ZFAT: variants seen among roughly 807,000 people sequenced by gnomAD.
ZFAT encodes the protein zinc finger and AT-hook domain containing.
In ZFAT, 64 loss-of-function variants were observed where a neutral mutation model predicts 117.7. That is an observed-to-expected ratio of 0.54 (90% CI 0.44 to 0.67). The LOEUF is 0.67. Among genes scored for constraint, ZFAT ranks in the 30% least tolerant of loss-of-function variants. The pLI is 0.00. For synonymous variants in ZFAT, 679 were observed against 615.0 expected (o/e 1.10, Z -1.54); for missense variants, 1,433 against 1,584.5 (o/e 0.90, Z 1.62).
At chr8:134,584,082 A>ATG in intron 9 of ZFAT, 77 bp from the exon 10 acceptor site, 2 of 1,385,362 alleles carry the variant, frequency 1.4e-6, no homozygotes, top group Non-Finnish European at 2.0e-6. Flanking sequence ...AGGAATATAT[A>ATG]TATCCATATC....
the ZFAT span, chr8:134,765,627 A>G: frequency 2.6e-5 from 4 of 152,170 alleles, no homozygotes; most frequent in African/African-American, 9.7e-5. Flanking sequence ...CTTTACTTTG[A>G]TGAAAATTGG....
rs546912427 is a variant in ZFAT, at chr8:134,687,673, G to A, written c.19+25172C>T. Among the ~76,000 whole-genome samples, 5 of 152,148 alleles carry A rather than the reference G, an allele frequency of 3.3e-5. No homozygotes were observed. The South Asian group carries it at 8.3e-4, about 25-fold the overall frequency. ...GACAGCTCCCCATTTGCAAACTGAC[G>A]AGGTGGCCCTGAAGAGCCGCCTACC... is the stretch of plus-strand genomic sequence containing the variant. On this transcript the variant is annotated intron_variant, in intron 1 of 15. Coordinates refer to ENST00000377838, the MANE Select transcript of ZFAT (RefSeq NM_020863.4).
chr8:134,672,417 G>A (rs943433350), intron 1 of ZFAT, among the ~76,000 whole-genome samples: 2 of 152,170 alleles, frequency 1.3e-5, no homozygotes, highest in African/African-American at 4.8e-5. Context: ...TAGGGTGGGG[G>A]CAGGGTGGAA....
chr8:134,531,533 G>C (rs949489144), intron 12 of ZFAT, among the ~76,000 whole-genome samples: 1 of 152,210 alleles, frequency 6.6e-6, no homozygotes, highest in East Asian at 1.9e-4. Flanking sequence ...CCACCATCGT[G>C]GAAGATGGCT....
At chr8:134,597,973 T>C (rs1016542188) in intron 7 of ZFAT, 3 of 152,326 alleles carry the variant, frequency 2.0e-5, no homozygotes, top group Admixed American at 2.0e-4. Flanking sequence ...AAAGCACAAC[T>C]GCCACTTAAC....
At chr8:134,673,977 C>T (rs973197488) in intron 1 of ZFAT, among the ~76,000 whole-genome samples, 5 of 152,166 alleles carry the variant, frequency 3.3e-5, no homozygotes, top group Admixed American at 2.0e-4. Context: ...AGGTAGCTGG[C>T]AAGATGGCCG....
At chr8:134,694,194 CA>C (rs1166450154) in intron 1 of ZFAT, among the ~76,000 whole-genome samples, 1 of 152,140 alleles carries the variant, frequency 6.6e-6, no homozygotes, top group Non-Finnish European at 1.5e-5. Context: ...TGGAATGAGG[CA>C]CGTGGCTGAG....
the ZFAT span, among the ~76,000 whole-genome samples, chr8:134,799,343 T>C: frequency 6.6e-6 from 1 of 152,194 alleles, no homozygotes; most frequent in African/African-American, 2.4e-5. Flanking sequence ...TACATAATTT[T>C]CGTTTTATAC....
At chr8:134,716,143 T>TTTTATA (rs1554626940), upstream of ZFAT, among the ~76,000 whole-genome samples, 73 of 142,158 alleles carry the variant, frequency 5.1e-4, no homozygotes, top group Non-Finnish European at 1.0e-3. Flanking sequence ...TAAAATTTAT[T>TTTTATA]TATATATATA....
At chr8:134,649,183 ACACACACACACACACACACC>A (rs1419849755) in intron 2 of ZFAT, among the ~76,000 whole-genome samples, 1 of 151,198 alleles carries the variant, frequency 6.6e-6, no homozygotes, top group East Asian at 1.9e-4. Flanking sequence ...ACACACACAC[ACACACACACACACACACACC>A]CCATCATACT....
At chr8:134,663,908 T>C (rs1231775662) in intron 1 of ZFAT, among the ~76,000 whole-genome samples, 1 of 152,200 alleles carries the variant, frequency 6.6e-6, no homozygotes, top group Non-Finnish European at 1.5e-5. Flanking sequence ...TTCAAGTCCA[T>C]GTCCCCAGCC....
At chr8:134,523,173 C>G (rs1820785059) in intron 12 of ZFAT, among the ~76,000 whole-genome samples, 1 of 152,186 alleles carries the variant, frequency 6.6e-6, no homozygotes, top group Non-Finnish European at 1.5e-5. Flanking sequence ...AGTACCACTC[C>G]ACTGAACACT....
intron 15 of ZFAT, among the ~76,000 whole-genome samples, chr8:134,499,747 C>G (rs768333800): frequency 2.0e-5 from 3 of 152,332 alleles, no homozygotes; most frequent in East Asian, 1.9e-4. Context: ...CGGGGGACTA[C>G]GTTTTGAGTA....
At chr8:134,548,263 T>C (rs1822851091) in intron 11 of ZFAT, among the ~76,000 whole-genome samples, 1 of 152,202 alleles carries the variant, frequency 6.6e-6, no homozygotes, top group Non-Finnish European at 1.5e-5. Flanking sequence ...CAAGTAAATA[T>C]ATAACCCATT....
intron 15 of ZFAT, among the ~76,000 whole-genome samples, chr8:134,485,737 AC>A (rs1817615187): frequency 7.0e-6 from 1 of 143,860 alleles, no homozygotes; most frequent in Non-Finnish European, 1.5e-5. Context: ...ACATTCAAGG[AC>A]ATCAAAATAT....
chr8:134,550,364 C>T (rs74447603), intron 11 of ZFAT, among the ~76,000 whole-genome samples: 4,077 of 136,146 alleles, frequency 0.03, 66 homozygotes, highest in Non-Finnish European at 0.037. Context: ...AGAGAAAATG[C>T]CAGGCCTTCA....
chr8:134,741,824 G>T, the ZFAT span, among the ~76,000 whole-genome samples: 1 of 151,220 alleles, frequency 6.6e-6, no homozygotes, highest in South Asian at 2.1e-4. Flanking sequence ...CCTGATGCCA[G>T]TAGAATGGCA....
At chr8:134,696,764 C>A (rs1255293979) in intron 1 of ZFAT, among the ~76,000 whole-genome samples, 3 of 152,212 alleles carry the variant, frequency 2.0e-5, no homozygotes, top group African/African-American at 7.2e-5. Context: ...CGCCCCCACC[C>A]AGCAGGGGTC....
intron 3 of ZFAT, among the ~76,000 whole-genome samples, chr8:134,611,553 C>A (rs752701144): frequency 6.6e-6 from 1 of 152,116 alleles, no homozygotes; most frequent in African/African-American, 2.4e-5. Context: ...CATCAATGTA[C>A]ATGGAGACCA....
Sources: allele counts gnomAD v4.1 joint callset (sites outside exome capture counted in the v4.1 genomes callset), GRCh38; gene constraint gnomAD v4.1.1; transcripts MANE v1.5; gene names NCBI Gene and HGNC (gene_info 2026-07-23, HGNC 2026-07-21).